TBCB: variants seen among roughly 807,000 people sequenced by gnomAD.
TBCB encodes the protein tubulin folding cofactor B.
In TBCB, 18 loss-of-function variants were observed where a neutral mutation model predicts 29.2. The ratio of observed to expected loss-of-function variants is 0.62; its 90% confidence interval spans 0.43 to 0.91. The LOEUF (loss-of-function observed/expected upper bound fraction) is 0.91, where lower values mean the gene tolerates loss of function less well. Among genes scored for constraint, TBCB ranks in the 40% least tolerant of loss-of-function variants. TBCB has a pLI of 0.00. For missense variants in TBCB, 336 were observed against 337.6 expected (o/e 1.00, Z 0.04); for synonymous variants, 172 against 137.8 (o/e 1.25, Z -1.74).
intron 2 of TBCB, among the ~76,000 whole-genome samples, chr19:36,118,086 A>G (rs891357906): frequency 1.3e-5 from 2 of 152,170 alleles, no homozygotes; most frequent in South Asian, 2.1e-4. Flanking sequence ...TTTCTTAAGG[A>G]TGAACTGTCA....
At chr19:36,123,930 G>A (rs1244015146) in intron 4 of TBCB, among the ~76,000 whole-genome samples, 1 of 152,118 alleles carries the variant, frequency 6.6e-6, no homozygotes, top group East Asian at 1.9e-4. Flanking sequence ...TCTGTGCCTA[G>A]GAGTGGAATC....
chr19:36,120,186 C>T (rs1974020476), intron 2 of TBCB, among the ~76,000 whole-genome samples: 1 of 152,154 alleles, frequency 6.6e-6, no homozygotes, highest in Admixed American at 6.6e-5. Flanking sequence ...TGGCCTTCTC[C>T]CTGCACAATG....
intron 4 of TBCB, chr19:36,122,087 T>G: frequency 3.1e-6 from 1 of 321,880 alleles, no homozygotes; most frequent in Non-Finnish European, 5.9e-6. Flanking sequence ...AGGAAGCACC[T>G]GGAGGCTGGG....
At chr19:36,121,167 C>T (rs1415869916) in intron 3 of TBCB, among the ~76,000 whole-genome samples, 1 of 142,080 alleles carries the variant, frequency 7.0e-6, no homozygotes, top group African/African-American at 2.7e-5. Flanking sequence ...GACAGGGTGG[C>T]GGTCAGTGAG....
intron 4 of TBCB, 153 bp downstream of exon 4, chr19:36,121,871 C>A: frequency 2.0e-6 from 2 of 995,864 alleles, no homozygotes; most frequent in Non-Finnish European, 3.0e-6. Context: ...GGTGACGGAA[C>A]CATCTGCCGA....
At chr19:36,118,183 T>G (rs1475494543) in intron 2 of TBCB, among the ~76,000 whole-genome samples, 1 of 152,194 alleles carries the variant, frequency 6.6e-6, no homozygotes, top group African/African-American at 2.4e-5. Context: ...CCCATCTGTG[T>G]TGTGCCAGGG....
intron 2 of TBCB, among the ~76,000 whole-genome samples, chr19:36,119,893 C>CA (rs574254238): frequency 0.035 from 4,234 of 122,022 alleles, 88 homozygotes; most frequent in African/African-American, 0.061. Flanking sequence ...GAGACTCCGT[C>CA]AAAAAAAAAA....
At chr19:36,123,288 G>GC (rs1399686534) in intron 4 of TBCB, among the ~76,000 whole-genome samples, 1 of 139,504 alleles carries the variant, frequency 7.2e-6, no homozygotes, top group African/African-American at 2.7e-5. Flanking sequence ...ATTTGAGACA[G>GC]CATCTGGCTA....
At chr19:36,115,441 T>C (rs1000451021), upstream of TBCB, 1 of 706,590 alleles carries the variant, frequency 1.4e-6, no homozygotes. Context: ...AGAGCGCGGA[T>C]TGGTCAGGCA....
chr19:36,121,538 T>G lies in TBCB; in HGVS notation c.367T>G (p.Ser123Ala). Residue 123 changes from serine (S) to alanine (A), a missense_variant, in exon 4 of 6, where the codon TCT becomes GCT. Ser to Ala is a moderately conservative substitution (Grantham distance 99). Transcript: ENST00000221855. Reference protein sequence around the residue: ...AYDQRQDTVRSFLKRSKLGRY... With the variant: ...AYDQRQDTVRAFLKRSKLGRY... ...CCCTCTGCCCACAGACACGGTCCGC[T>G]CTTTCCTGAAGCGCAGCAAGCTCGG... The G allele has an allele frequency of 9.0e-6, 14 of 1,558,576 alleles. No individual in the cohort carries two copies. The highest frequency in any genetic ancestry group is 1.2e-5 in the Non-Finnish European group (14 of 1,153,624).
At chr19:36,115,031 C>T (rs758386805), upstream of TBCB, 15 of 640,200 alleles carry the variant, frequency 2.3e-5, no homozygotes, top group African/African-American at 1.6e-4. Flanking sequence ...TCATGGCTTG[C>T]TTCAATCTTT....
rs1280331475 is a variant in TBCB, at chr19:36,125,652, CT to C, written c.621-15del. On this transcript the variant is annotated splice_polypyrimidine_tract_variant and intron_variant, in intron 5 of 5. Transcript: ENST00000221855. ...GAGGGTCCTCTGACCACACCCACCC[CT>C]ATCCTTTCCTGCAGTGTGAATGGGA... 1 of 1,592,220 alleles carries C rather than the reference CT, an allele frequency of 6.3e-7. No homozygotes were observed. The highest frequency in any genetic ancestry group is 8.6e-7 in the Non-Finnish European group (1 of 1,166,820).
intron 2 of TBCB, among the ~76,000 whole-genome samples, chr19:36,120,293 GAATA>G (rs1215076019): frequency 2.0e-5 from 3 of 152,162 alleles, no homozygotes; most frequent in South Asian, 2.1e-4. Flanking sequence ...ATGAATGAAT[GAATA>G]GTGGGGGCAG....
chr19:36,122,754 C>CAAAA (rs200939642), intron 4 of TBCB, among the ~76,000 whole-genome samples: 1 of 62,798 alleles, frequency 1.6e-5, no homozygotes, highest in African/African-American at 5.2e-5. Flanking sequence ...ACCCTGTCTC[C>CAAAA]AAAAAAAAAA....
At chr19:36,116,434 G>A in intron 2 of TBCB, 1 of 431,836 alleles carries the variant, frequency 2.3e-6, no homozygotes, top group South Asian at 3.8e-5. Flanking sequence ...GGGAGAATCA[G>A]AGAGGGCTTC....
chr19:36,122,336 T>C (rs1280837124), intron 4 of TBCB, among the ~76,000 whole-genome samples: 1 of 151,682 alleles, frequency 6.6e-6, no homozygotes, highest in African/African-American at 2.4e-5. Context: ...ACTCAGCACT[T>C]TGGGAGAACA....
intron 2 of TBCB, among the ~76,000 whole-genome samples, chr19:36,120,274 C>G (rs974610808): frequency 2.0e-5 from 3 of 152,100 alleles, no homozygotes; most frequent in African/African-American, 7.2e-5. Context: ...CCTGGGAGCT[C>G]GGAAACCAAT....
intron 3 of TBCB, among the ~76,000 whole-genome samples, chr19:36,121,181 G>T (rs1400088914): frequency 1.9e-5 from 2 of 104,872 alleles, no homozygotes; most frequent in African/African-American, 8.0e-5. Context: ...CAGTGAGGGC[G>T]CCTGGGACGG....
At chr19:36,120,190 C>A (rs926542662) in intron 2 of TBCB, among the ~76,000 whole-genome samples, 5 of 152,170 alleles carry the variant, frequency 3.3e-5, no homozygotes, top group African/African-American at 1.2e-4. Flanking sequence ...CTTCTCCCTG[C>A]ACAATGAGCA....
Sources: allele counts gnomAD v4.1 joint callset (sites outside exome capture counted in the v4.1 genomes callset), GRCh38; gene constraint gnomAD v4.1.1; transcripts MANE v1.5; gene names NCBI Gene and HGNC (gene_info 2026-07-23, HGNC 2026-07-21).